CFAP47: variants seen among roughly 807,000 people sequenced by gnomAD.
CFAP47 encodes cilia and flagella associated protein 47.
CFAP47 carries 29 observed loss-of-function variants against 148.1 expected under a neutral mutation model. The observed-to-expected ratio is 0.20, with a 90% confidence interval of 0.15 to 0.27. CFAP47 has a LOEUF of 0.27. CFAP47 is among the 10% of genes least tolerant of loss of function. CFAP47 has a pLI of 1.00. For missense variants in CFAP47, 1,872 were observed against 1,697.5 expected, an observed-to-expected ratio of 1.10 and a Z score of -1.81; for synonymous variants, 664 against 577.3, an observed-to-expected ratio of 1.15 and a Z score of -2.15.
chrX:36,333,363 C>A (rs781906871), intron 57 of CFAP47, among the ~76,000 whole-genome samples: 15 of 110,723 alleles, frequency 1.4e-4, no homozygotes, highest in Middle Eastern at 4.3e-3. Flanking sequence ...TTTCTTGGAA[C>A]CTGACTCTTC....
In CFAP47 at chrX:35,989,301, T is replaced by C. The variant is rs1477975742; in HGVS notation, c.2714-18T>C. On this transcript the variant is annotated intron_variant, in intron 15 of 63. Coordinates refer to ENST00000378653, the MANE Select transcript of CFAP47 (RefSeq NM_001304548.2). Reference sequence around the variant, plus strand: ...AAAATGTGGAAAATGTCTTATTTTCTCTCTACATTTTCCGTAGGCACTGTT... The same window carrying C: ...AAAATGTGGAAAATGTCTTATTTTCCCTCTACATTTTCCGTAGGCACTGTT... 28 of 1,121,567 alleles carry C rather than the reference T, an allele frequency of 2.5e-5. No homozygotes were observed. The highest frequency in any genetic ancestry group is 3.4e-5 in the Non-Finnish European group (28 of 818,383). 92.4% of individuals were successfully genotyped at this position (1,121,567 alleles called of 1,213,427 possible). A position where few individuals can be genotyped will look rare whatever the true frequency, so the allele number is the denominator to read the frequency against.
At chrX:36,197,986 A>G (rs1428250832) in intron 42 of CFAP47, among the ~76,000 whole-genome samples, 1 of 111,555 alleles carries the variant, frequency 9.0e-6, no homozygotes. Flanking sequence ...TTTCTGTTTC[A>G]TTTGTTATCT....
At position 36,159,485 on chromosome X, in the gene CFAP47, C is replaced by T; in HGVS notation, c.5846C>T (p.Ser1949Leu). 3.4e-6 allele frequency: 1 copy of T among 297,084 alleles called. No homozygotes were observed. Among genetic ancestry groups the T allele is most frequent in the East Asian group, 4.8e-5 (1 of 21,003 alleles). The allele number at this position is 297,084 out of a possible 1,213,427, so 24.5% of individuals were successfully genotyped here. The part of the protein sequence containing the change: ...TSRFIRPAEA[S>L]LLLISKPKNA... ...CGCTTTATTCGTCCTGCTGAAGCTT[C>T]ACTACTATTAATTTCAAAACCCAAG... The change falls in exon 38 of 64, where the codon TCA (serine) becomes TTA (leucine). Residue 1949 changes from serine (S) to leucine (L), a missense_variant. Coordinates refer to ENST00000378653, the MANE Select transcript of CFAP47 (RefSeq NM_001304548.2).
At chrX:36,144,503 G>T (rs1939197556) in intron 35 of CFAP47, 2 of 957,874 alleles carry the variant, frequency 2.1e-6, no homozygotes. Context: ...GTTAATATTA[G>T]GTGTCAACTT....
chrX:36,303,993 G>C, intron 54 of CFAP47, 33 bp downstream of exon 54: 1 of 700,626 alleles, frequency 1.4e-6, no homozygotes, highest in Non-Finnish European at 2.2e-6. Context: ...GAAATTTACT[G>C]CTGCTAGATC....
intron 53 of CFAP47, among the ~76,000 whole-genome samples, chrX:36,301,917 C>T (rs1022086867): frequency 7.2e-5 from 8 of 110,395 alleles, no homozygotes; most frequent in East Asian, 5.7e-4. Flanking sequence ...GAGTATACAC[C>T]GTAGTGAGCA....
intron 26 of CFAP47, among the ~76,000 whole-genome samples, chrX:36,050,544 A>G (rs1937514946): frequency 9.0e-6 from 1 of 111,380 alleles, no homozygotes; most frequent in African/African-American, 3.3e-5. Flanking sequence ...AACTTGAGAG[A>G]GACGATTTAG....
intron 56 of CFAP47, 97 bp from the exon 57 acceptor site, chrX:36,319,112 C>T: frequency 2.5e-6 from 1 of 402,530 alleles, no homozygotes; most frequent in Non-Finnish European, 4.2e-6. Flanking sequence ...TATAAGTTTC[C>T]TATTAGAGGA....
intron 45 of CFAP47, among the ~76,000 whole-genome samples, chrX:36,221,314 G>C (rs1461636344): frequency 9.0e-6 from 1 of 111,543 alleles, no homozygotes; most frequent in Non-Finnish European, 1.9e-5. Flanking sequence ...TAGGGACCAG[G>C]GTTGAATTAC....
At chrX:36,028,853 T>G (rs2146716999) in intron 22 of CFAP47, among the ~76,000 whole-genome samples, 1 of 110,572 alleles carries the variant, frequency 9.0e-6, no homozygotes, top group South Asian at 3.7e-4. Flanking sequence ...TTATTTCTCT[T>G]GCTTCATTGC....
At chrX:36,313,006 A>T (rs2146964311) in intron 56 of CFAP47, among the ~76,000 whole-genome samples, 1 of 111,290 alleles carries the variant, frequency 9.0e-6, no homozygotes, top group African/African-American at 3.3e-5. Flanking sequence ...CTTTTGTGGT[A>T]TCTTTTTTAG....
rs1443402944 is a variant in CFAP47 at position 36,149,140 on chromosome X, A to G, written c.5703A>G (p.Leu1901=). ...ILLKNSSSRN[L]VYNARIVGRD... is the part of the protein sequence containing the mutation. ...TGAAAAATTCCAGCTCGCGAAACTT[A>G]GTGTATAATGCTAGAATTGTTGGAA... Residue 1901 remains leucine, a synonymous_variant, in exon 37 of 64, where the codon TTA becomes TTG. Transcript: ENST00000378653. 1.0e-5 allele frequency: 3 copies of G among 296,719 alleles called. No individual in the cohort carries two copies. Among genetic ancestry groups the G allele is most frequent in the East Asian group, 4.8e-5 (1 of 20,934 alleles). The allele number at this position is 296,719 out of a possible 1,213,427, so 24.5% of individuals were successfully genotyped here. A position where few individuals can be genotyped will look rare whatever the true frequency, so the allele number is the denominator to read the frequency against.
intron 22 of CFAP47, among the ~76,000 whole-genome samples, chrX:36,026,703 G>A (rs1286029037): frequency 9.1e-6 from 1 of 109,801 alleles, no homozygotes; most frequent in African/African-American, 3.3e-5. Context: ...AGCTCTCTAG[G>A]CAGATATGTC....
intron 26 of CFAP47, among the ~76,000 whole-genome samples, chrX:36,062,823 T>TA (rs962698531): frequency 1.8e-5 from 2 of 111,444 alleles, no homozygotes; most frequent in Non-Finnish European, 3.8e-5. Flanking sequence ...GATTATATTT[T>TA]AAAAAAACAC....
intron 29 of CFAP47, among the ~76,000 whole-genome samples, chrX:36,083,140 A>G (rs896573556): frequency 9.0e-6 from 1 of 110,927 alleles, no homozygotes; most frequent in African/African-American, 3.3e-5. Context: ...TGTTTTATTA[A>G]TAATATTTCA....
chrX:35,964,983 A>G (rs371751918), intron 8 of CFAP47, among the ~76,000 whole-genome samples: 2 of 111,489 alleles, frequency 1.8e-5, no homozygotes, highest in South Asian at 3.6e-4. Context: ...GACATTATCT[A>G]TGAACTACAG....
chrX:36,213,529 T>C (rs1257432998), intron 45 of CFAP47, among the ~76,000 whole-genome samples: 3 of 111,972 alleles, frequency 2.7e-5, no homozygotes, highest in Non-Finnish European at 3.8e-5. Context: ...TTAGAATAAA[T>C]TGGGGAACCA....
intron 45 of CFAP47, among the ~76,000 whole-genome samples, chrX:36,213,489 C>A (rs1395621519): frequency 3.6e-5 from 4 of 111,624 alleles, no homozygotes; most frequent in Non-Finnish European, 5.6e-5. Flanking sequence ...ATTATCCCTG[C>A]CCAGATCACT....
At chrX:36,329,280 T>G (rs1255666107) in intron 57 of CFAP47, among the ~76,000 whole-genome samples, 1 of 111,594 alleles carries the variant, frequency 9.0e-6, no homozygotes, top group East Asian at 2.8e-4. Context: ...TCTGATAATA[T>G]TCTCCAAAAT....
Sources: gnomAD v4.1 joint callset for allele counts (sites outside exome capture counted in the v4.1 genomes callset) on GRCh38, gnomAD v4.1.1 for gene constraint, MANE v1.5 for transcripts, NCBI Gene and HGNC (gene_info 2026-07-23, HGNC 2026-07-21) for gene names.